Variants in PDE3A observed in about 807,000 individuals in gnomAD.
PDE3A encodes the protein phosphodiesterase 3A.
PDE3A carries 43 observed loss-of-function variants against 98.3 expected under a neutral mutation model. That is an observed-to-expected ratio of 0.44 (90% CI 0.34 to 0.56). The LOEUF (loss-of-function observed/expected upper bound fraction) is 0.56, where lower values mean the gene tolerates loss of function less well. Among genes scored for constraint, PDE3A ranks in the 20% least tolerant of loss-of-function variants. The pLI is 0.01. For missense variants in PDE3A, 1,427 were observed against 1,440.7 expected, an observed-to-expected ratio of 0.99 and a Z score of 0.15; for synonymous variants, 663 against 567.9, an observed-to-expected ratio of 1.17 and a Z score of -2.38.
intron 1 of PDE3A, among the ~76,000 whole-genome samples, chr12:20,382,681 T>C (rs1310862610): frequency 1.3e-5 from 2 of 151,996 alleles, no homozygotes; most frequent in Non-Finnish European, 2.9e-5. Context: ...TTTCTTAAAC[T>C]TTCAAAACTT....
rs779207840 is a variant in PDE3A at position 20,616,215 on chromosome 12, A to G, written c.1270-15A>G. On this transcript the variant is annotated splice_polypyrimidine_tract_variant and intron_variant, in intron 3 of 15. Coordinates refer to ENST00000359062, the MANE Select transcript of PDE3A (RefSeq NM_000921.5). ...ATAAAATATTCTGGGTAATGAAGTC[A>G]AGTCTCTTTCCTAGCGCCTGAGAAG... The G allele has an allele frequency of 6.2e-7, 1 of 1,612,402 alleles. No individual in the cohort carries two copies. The highest frequency in any genetic ancestry group is 2.2e-5 in the East Asian group (1 of 44,858).
intron 5 of PDE3A, among the ~76,000 whole-genome samples, chr12:20,626,220 C>T (rs1944260737): frequency 6.8e-6 from 1 of 147,536 alleles, no homozygotes; most frequent in South Asian, 2.1e-4. Flanking sequence ...TATAGTTTAT[C>T]CTTTCTATAA....
intron 1 of PDE3A, among the ~76,000 whole-genome samples, chr12:20,381,784 T>C (rs553037666): frequency 6.6e-6 from 1 of 152,072 alleles, no homozygotes; most frequent in South Asian, 2.1e-4. Context: ...AGTTTGTTAT[T>C]TAATATCTCT....
Position 20,369,696 on chromosome 12 carries a change from A to T in PDE3A, c.412A>T (p.Ser138Cys). Residue 138 changes from serine to cysteine, a missense_variant, in exon 1 of 16, where the codon AGT (serine) becomes TGT (cysteine). Ser to Cys is a moderately radical substitution (Grantham distance 112, BLOSUM62 -1). Around this residue, in one of 3 missense-constraint regions of PDE3A, gnomAD observed 1,012 missense variants for 886.5 expected, o/e 1.14. Transcript: ENST00000359062. ...GCTGCAGCCCTCGGCGCTGCTCTTC[A>T]GTCTCCTGTGTGCCTTCTTCTGGAT... The part of the protein sequence containing the change: ...PWLQPSALLF[S>C]LLCAFFWMGL... The T allele has an allele frequency of 6.2e-7, 1 of 1,611,658 alleles. No individual in the cohort carries two copies. The highest frequency in any genetic ancestry group is 8.5e-7 in the Non-Finnish European group (1 of 1,179,538).
intron 1 of PDE3A, among the ~76,000 whole-genome samples, chr12:20,426,694 A>G (rs553165452): frequency 8.9e-4 from 135 of 152,330 alleles, no homozygotes; most frequent in African/African-American, 3.2e-3. Flanking sequence ...GAAAACAAAG[A>G]GTAGAATCAA....
chr12:20,680,239 G>C lies in PDE3A; in HGVS notation c.3394G>C (p.Glu1132Gln), dbSNP rs374913499. ...AGAAGAGAAAGGGAAACCAAGAGGC[G>C]AGGAGATACCAACCCAAAAGCCAGA... ...EEEEKGKPRGEEIPTQKPDQ is the reference protein window; with the variant it reads ...EEEEKGKPRGQEIPTQKPDQ The change falls in exon 16 of 16, where the codon GAG becomes CAG. Residue 1132 changes from glutamate to glutamine, a missense_variant. This residue lies in a region of PDE3A where 142 missense variants were observed against 133.9 expected (regional missense o/e 1.06). Coordinates refer to ENST00000359062, the MANE Select transcript of PDE3A (RefSeq NM_000921.5). 1.2e-6 allele frequency: 2 copies of C among 1,613,876 alleles called. No homozygotes were observed. Among genetic ancestry groups the C allele is most frequent in the African/African-American group, 2.7e-5 (2 of 74,900 alleles).
At chr12:20,376,139 A>G (rs1330980605) in intron 1 of PDE3A, among the ~76,000 whole-genome samples, 2 of 151,898 alleles carry the variant, frequency 1.3e-5, no homozygotes, top group African/African-American at 4.8e-5. Context: ...GATTGATTGT[A>G]TTTATGTCGA....
At chr12:20,524,681 A>C in intron 1 of PDE3A, among the ~76,000 whole-genome samples, 1 of 151,950 alleles carries the variant, frequency 6.6e-6, no homozygotes, top group East Asian at 1.9e-4. Flanking sequence ...TTTTACTATA[A>C]GAATAATAAT....
At chr12:20,479,673 G>A (rs1304123416) in intron 1 of PDE3A, among the ~76,000 whole-genome samples, 1 of 152,130 alleles carries the variant, frequency 6.6e-6, no homozygotes, top group Non-Finnish European at 1.5e-5. Flanking sequence ...CTTTCCTGGG[G>A]CAGCGTGGAA....
Position 20,551,752 on chromosome 12 carries a change from G to A in PDE3A, c.961-4908G>A, listed in dbSNP as rs539905390. ...TGCCAGCGAGGTGGTACTGGCGGGAGAGCGGCTGAGAGAGAGCAAGAAGAA... is the reference window on the plus strand; with the variant it reads ...TGCCAGCGAGGTGGTACTGGCGGGAAAGCGGCTGAGAGAGAGCAAGAAGAA... On this transcript the variant is annotated intron_variant, in intron 1 of 15. Transcript: ENST00000359062. 8.7e-6 allele frequency: 14 copies of A among 1,611,530 alleles called. No homozygotes were observed. In the Admixed American group the frequency reaches 1.8e-4, roughly 21 times the overall value.
intron 1 of PDE3A, among the ~76,000 whole-genome samples, chr12:20,370,936 G>A (rs1943462043): frequency 6.6e-6 from 1 of 152,132 alleles, no homozygotes; most frequent in Non-Finnish European, 1.5e-5. Flanking sequence ...CTGAACTTTG[G>A]AATTGTTCAA....
At chr12:20,628,595 C>T (rs1279397119) in intron 5 of PDE3A, among the ~76,000 whole-genome samples, 3 of 152,092 alleles carry the variant, frequency 2.0e-5, no homozygotes, top group African/African-American at 2.4e-5. Context: ...TAAGTGGTTT[C>T]GTTTGCTTAG....
intron 15 of PDE3A, among the ~76,000 whole-genome samples, chr12:20,671,323 C>G (rs4259876): frequency 0.69 from 103,404 of 150,526 alleles, 35,748 homozygotes; most frequent in East Asian, 0.79. Context: ...AATAGAAAAA[C>G]AGGGAATCCT....
intron 1 of PDE3A, among the ~76,000 whole-genome samples, chr12:20,404,945 C>G (rs1045509497): frequency 6.8e-6 from 1 of 146,944 alleles, no homozygotes; most frequent in South Asian, 2.2e-4. Context: ...TACTGCTTGC[C>G]GACTCAAGGA....
At chr12:20,423,373 T>A (rs1300087786) in intron 1 of PDE3A, among the ~76,000 whole-genome samples, 1 of 152,230 alleles carries the variant, frequency 6.6e-6, no homozygotes, top group African/African-American at 2.4e-5. Context: ...TATGCATATG[T>A]GCTCATATCT....
intron 8 of PDE3A, among the ~76,000 whole-genome samples, chr12:20,636,638 G>A (rs1391556120): frequency 6.6e-6 from 1 of 152,090 alleles, no homozygotes; most frequent in African/African-American, 2.4e-5. Flanking sequence ...GGAATGATCA[G>A]GTCCTACTAC....
Position 20,368,564 on chromosome 12 carries a change from C to G in PDE3A, c.-721C>G, listed in dbSNP as rs1036310497. 6.6e-5 allele frequency among the ~76,000 whole-genome samples: 10 copies of G among 151,914 alleles called. 1 individual carries two copies. Among genetic ancestry groups the G allele is most frequent in the Non-Finnish European group, 1.5e-4 (10 of 67,958 alleles). On this transcript the variant is annotated 5_prime_UTR_variant, in exon 1 of 16. Transcript: ENST00000359062. ...TAGTCTCTCGGTCTGGCTCTCTCTC[C>G]GACGGGACTTAGCAACTTCTTATTT...
chr12:20,498,113 T>G (rs2121071911), intron 1 of PDE3A, among the ~76,000 whole-genome samples: 1 of 152,286 alleles, frequency 6.6e-6, no homozygotes, highest in Non-Finnish European at 1.5e-5. Context: ...ATTTTTCCAT[T>G]TATCCATATC....
intron 1 of PDE3A, among the ~76,000 whole-genome samples, chr12:20,483,120 G>T (rs1043348777): frequency 1.3e-5 from 2 of 152,124 alleles, no homozygotes; most frequent in African/African-American, 4.8e-5. Context: ...GCCTTACGCG[G>T]TAGCTCACTC....
Sources: allele counts gnomAD v4.1 joint callset (sites outside exome capture counted in the v4.1 genomes callset), GRCh38; gene constraint gnomAD v4.1.1; regional missense constraint gnomAD v4.1.1; transcripts MANE v1.5; gene names NCBI Gene and HGNC (gene_info 2026-07-23, HGNC 2026-07-21).